ANKRD13D: variants seen among roughly 807,000 people sequenced by gnomAD.
ANKRD13D encodes ankyrin repeat domain 13D.
ANKRD13D carries 24 observed loss-of-function variants against 68.8 expected under a neutral mutation model. The ratio of observed to expected loss-of-function variants is 0.35; its 90% CI spans 0.25 to 0.49. The LOEUF is 0.49. Ranked by LOEUF, ANKRD13D falls within the 20% of genes least tolerant of loss-of-function variation. ANKRD13D has a pLI of 0.99. For missense variants in ANKRD13D, 735 were observed against 832.1 expected (o/e 0.88, Z 1.44); for synonymous variants, 331 against 336.1 (o/e 0.98, Z 0.16).
chr11:67,298,795 G>A, intron 6 of ANKRD13D: 3 of 502,268 alleles, frequency 6.0e-6, no homozygotes, highest in Non-Finnish European at 1.1e-5. Flanking sequence ...TAAAAGACAA[G>A]GATGTTTTTA....
rs1307057734 is a variant in ANKRD13D at position 67,300,857 on chromosome 11, G to T, written c.1074-133G>T. 1 of 1,135,664 alleles carries T rather than the reference G, an allele frequency of 8.8e-7. No homozygotes were observed. The highest frequency in any genetic ancestry group is 1.2e-6 in the Non-Finnish European group (1 of 821,116). 70.3% of individuals were successfully genotyped at this position (1,135,664 alleles called of 1,614,324 possible). ...CAGCTCCCGGGGGAGGCGGGCAGCG[G>T]CATCTGAGCAGAGCAGGGCACTCCA... On this transcript the variant is annotated intron_variant, in intron 10 of 14. Transcript: ENST00000511455. This position sits in a 1 kb window ranked among gnomAD's most constrained non-coding sequence, Gnocchi z 4.3.
Position 67,290,073 on chromosome 11 carries a change from C to T in ANKRD13D, c.91-5C>T, listed in dbSNP as rs1048765679. Reference sequence around the variant, plus strand: ...TGCCCTTTGTGAGTGTCCCGTCTCCCCCAGCACGACATTGAACAGGAGGAC... The same window carrying T: ...TGCCCTTTGTGAGTGTCCCGTCTCCTCCAGCACGACATTGAACAGGAGGAC... On this transcript the variant is annotated splice_region_variant and splice_polypyrimidine_tract_variant and intron_variant, in intron 1 of 14. Coordinates refer to ENST00000511455, the MANE Select transcript of ANKRD13D (RefSeq NM_207354.3). 14 of 1,536,614 alleles carry T rather than the reference C, an allele frequency of 9.1e-6. No homozygotes were observed. Among genetic ancestry groups the T allele is most frequent in the Non-Finnish European group, 1.1e-5 (13 of 1,146,552 alleles).
intron 1 of ANKRD13D, 36 bp from the exon 2 acceptor site, chr11:67,290,042 C>G (rs1248999560): frequency 6.6e-7 from 1 of 1,525,722 alleles, no homozygotes; most frequent in Admixed American, 2.0e-5. Flanking sequence ...TTGCCCTCTT[C>G]TCTCCTGCCC....
chr11:67,294,293 C>G (rs1751520908), intron 6 of ANKRD13D, among the ~76,000 whole-genome samples: 1 of 152,122 alleles, frequency 6.6e-6, no homozygotes, highest in Non-Finnish European at 1.5e-5. Flanking sequence ...ATTCTAGATT[C>G]AGCTTGTCAA....
At position 67,291,631 on chromosome 11, in the gene ANKRD13D, C is replaced by A; in HGVS notation, c.426C>A (p.Ser142Arg). 6.2e-7 allele frequency: 1 copy of A among 1,614,016 alleles called. No individual in the cohort carries two copies. The highest frequency in any genetic ancestry group is 2.2e-5 in the East Asian group (1 of 44,880). Residue 142 changes from serine to arginine, a missense_variant, in exon 5 of 15, where the codon AGC (serine) becomes AGA (arginine). Transcript: ENST00000511455. The stretch of plus-strand genomic sequence containing the variant: ...CCCTTGTGTCTAAGATGTGCCCAAG[C>A]GATGTGTACCGCGTGTGGAAGCGGG... Reference protein sequence around the residue: ...WVPLVSKMCPSDVYRVWKRGE... With the variant: ...WVPLVSKMCPRDVYRVWKRGE...
rs1167086808 is a variant in ANKRD13D at position 67,299,915 on chromosome 11, G to A, written c.942+27G>A. The A allele has an allele frequency of 1.9e-6, 3 of 1,560,480 alleles. No individual in the cohort carries two copies. The highest frequency in any genetic ancestry group is 1.7e-6 in the Non-Finnish European group (2 of 1,150,956). Reference sequence around the variant, plus strand: ...TGAGCCGGGGCTGGGCCGAGACAGGGCTGGCGGGGGGCCGAGCCTGGGCGG... The same window carrying A: ...TGAGCCGGGGCTGGGCCGAGACAGGACTGGCGGGGGGCCGAGCCTGGGCGG... On this transcript the variant is annotated intron_variant, in intron 9 of 14. Coordinates refer to ENST00000511455, the MANE Select transcript of ANKRD13D (RefSeq NM_207354.3). The surrounding 1 kb of genome is among the most constrained non-coding windows in gnomAD (Gnocchi z 6.2).
intron 6 of ANKRD13D, chr11:67,298,817 G>A (rs778892060): frequency 1.3e-4 from 68 of 535,254 alleles, no homozygotes; most frequent in Non-Finnish European, 1.9e-4. Context: ...ACCCAGCCCC[G>A]ACACTATCAT....
At position 67,299,853 on chromosome 11, in the gene ANKRD13D, C is replaced by T; in HGVS notation, c.907C>T (p.Leu303=). 1.3e-6 allele frequency: 2 copies of T among 1,538,702 alleles called. No homozygotes were observed. The highest frequency in any genetic ancestry group is 8.8e-7 in the Non-Finnish European group (1 of 1,141,940). Residue 303 remains leucine, a synonymous_variant, in exon 9 of 15, where the codon CTG becomes TTG. Transcript: ENST00000511455. This position sits in a 1 kb window ranked among gnomAD's most constrained non-coding sequence, Gnocchi z 6.2. Reference sequence around the variant, plus strand: ...GGGGAAGACTCCATTCCAGTCCTTCCTGGGGATGGCGCAGCAGCATTCCTC... The same window carrying T: ...GGGGAAGACTCCATTCCAGTCCTTCTTGGGGATGGCGCAGCAGCATTCCTC... ...KAGKTPFQSF[L]GMAQQHSSHT... is the part of the protein sequence containing the mutation.
At chr11:67,289,987 C>T in intron 1 of ANKRD13D, 91 bp from the exon 2 acceptor site, 2 of 1,468,452 alleles carry the variant, frequency 1.4e-6, no homozygotes, top group Non-Finnish European at 9.0e-7. Context: ...GTCCTTATTT[C>T]CCACAGCGAT....
In ANKRD13D at chr11:67,299,933, C is replaced by A; in HGVS notation, c.942+45C>A. 6.4e-7 allele frequency: 1 copy of A among 1,569,578 alleles called. No individual in the cohort carries two copies. The highest frequency in any genetic ancestry group is 8.7e-7 in the Non-Finnish European group (1 of 1,154,680). On this transcript the variant is annotated intron_variant, in intron 9 of 14. Coordinates refer to ENST00000511455, the MANE Select transcript of ANKRD13D (RefSeq NM_207354.3). The surrounding 1 kb of genome is among the most constrained non-coding windows in gnomAD (Gnocchi z 6.2). The stretch of plus-strand genomic sequence containing the variant: ...AGACAGGGCTGGCGGGGGGCCGAGC[C>A]TGGGCGGGAGGGCACCCTCTGTCAC...
rs1215894790 is a variant in ANKRD13D, at chr11:67,301,598, C to G, written c.1459C>G (p.Leu487Val). The change falls in exon 13 of 15, where the codon CTG becomes GTG. Residue 487 changes from leucine (L) to valine (V), a missense_variant. Transcript: ENST00000511455. This position sits in a 1 kb window ranked among gnomAD's most constrained non-coding sequence, Gnocchi z 4.5. ...EPLRDEDDDL[L>V]QFAIQQSLLE... ...CCTCCGGGACGAGGACGATGACCTC[C>G]TGCAGTTCGCCATCCAGCAGAGCCT... 1 of 1,612,840 alleles carries G rather than the reference C, an allele frequency of 6.2e-7. No homozygotes were observed. The highest frequency in any genetic ancestry group is 2.2e-5 in the East Asian group (1 of 44,886).
chr11:67,293,178 T>C (rs1425699313), intron 6 of ANKRD13D, among the ~76,000 whole-genome samples: 1 of 152,228 alleles, frequency 6.6e-6, no homozygotes, highest in Non-Finnish European at 1.5e-5. Flanking sequence ...CTTGGGTATA[T>C]ACCTAAGAGT....
rs1178230039 is a variant in ANKRD13D, at chr11:67,299,642, G to A, written c.880+31G>A. 8 of 1,549,124 alleles carry A rather than the reference G, an allele frequency of 5.2e-6. No individual in the cohort carries two copies. The highest frequency in any genetic ancestry group is 2.4e-5 in the East Asian group (1 of 40,946). On this transcript the variant is annotated intron_variant, in intron 8 of 14. Transcript: ENST00000511455. This position sits in a 1 kb window ranked among gnomAD's most constrained non-coding sequence, Gnocchi z 6.2. The stretch of plus-strand genomic sequence containing the variant: ...CCCAGGTGCGCCTGCCTGCTGCCCG[G>A]TCACACCGTGTGGTGGGGTCACCCT...
Position 67,292,931 on chromosome 11 carries a change from G to A in ANKRD13D, c.731+751G>A, listed in dbSNP as rs76335959. 6.6e-3 allele frequency among the ~76,000 whole-genome samples: 1,002 copies of A among 152,194 alleles called. 4 individuals are homozygous for A. The highest frequency in any genetic ancestry group is 0.027 in the Middle Eastern group (8 of 294). On this transcript the variant is annotated intron_variant, in intron 6 of 14. Coordinates refer to ENST00000511455, the MANE Select transcript of ANKRD13D (RefSeq NM_207354.3). ...TATAATATGTTGCCTTTTGTGTCTG[G>A]CTTCTTTCACTTAGTATAATATATT...
At chr11:67,293,504 ATTAAC>A (rs1166572930) in intron 6 of ANKRD13D, among the ~76,000 whole-genome samples, 1 of 152,126 alleles carries the variant, frequency 6.6e-6, no homozygotes, top group East Asian at 1.9e-4. Flanking sequence ...ATTTAACTTA[ATTAAC>A]TTATTTATTT....
At chr11:67,293,812 C>T (rs1045328200) in intron 6 of ANKRD13D, among the ~76,000 whole-genome samples, 4 of 152,186 alleles carry the variant, frequency 2.6e-5, no homozygotes, top group African/African-American at 9.7e-5. Context: ...GCCACCACAC[C>T]TATCCCTTCA....
In ANKRD13D at chr11:67,301,266, G is replaced by A. The variant is rs753582189; in HGVS notation, c.1232-16G>A. On this transcript the variant is annotated splice_polypyrimidine_tract_variant and intron_variant, in intron 11 of 14. Coordinates refer to ENST00000511455, the MANE Select transcript of ANKRD13D (RefSeq NM_207354.3). This position sits in a 1 kb window ranked among gnomAD's most constrained non-coding sequence, Gnocchi z 4.5. ...TGGCTCTCCGCCAGGGCTCAGGCGT[G>A]GCTGTCTTCTCACAGAGATTCCCCT... 2 of 1,606,566 alleles carry A rather than the reference G, an allele frequency of 1.2e-6. No individual in the cohort carries two copies. Among genetic ancestry groups the A allele is most frequent in the South Asian group, 1.1e-5 (1 of 89,788 alleles).
chr11:67,299,321 A>C lies in ANKRD13D; in HGVS notation c.798+197A>C. Reference sequence around the variant, plus strand: ...TCATGGGCCCCTACCCAGGGTACCGAGATCAAAAGAGGAGTGTGTTCCTCT... The same window carrying C: ...TCATGGGCCCCTACCCAGGGTACCGCGATCAAAAGAGGAGTGTGTTCCTCT... On this transcript the variant is annotated intron_variant, in intron 7 of 14. Transcript: ENST00000511455. The surrounding 1 kb of genome is among the most constrained non-coding windows in gnomAD (Gnocchi z 6.2). The C allele has an allele frequency of 1.4e-6, 1 of 722,734 alleles. No individual in the cohort carries two copies. The highest frequency in any genetic ancestry group is 1.8e-5 in the South Asian group (1 of 55,840). 44.8% of individuals were successfully genotyped at this position (722,734 alleles called of 1,614,324 possible).
At position 67,299,056 on chromosome 11, in the gene ANKRD13D, A is replaced by G. The variant is rs759813543; in HGVS notation, c.732-2A>G. The G allele has an allele frequency of 1.9e-6, 3 of 1,587,200 alleles. No homozygotes were observed. Among genetic ancestry groups the G allele is most frequent in the Admixed American group, 1.7e-5 (1 of 59,064 alleles). On this transcript the variant is annotated splice_acceptor_variant, in intron 6 of 14. Transcript: ENST00000511455. LOFTEE classifies it high-confidence loss of function. The surrounding 1 kb of genome is among the most constrained non-coding windows in gnomAD (Gnocchi z 6.2). ...CACCAGCTCCTGTTTGGTCTGTTTCAGGAACAAATGTGGTATCTGGGGCTG... is the reference window on the plus strand; with the variant it reads ...CACCAGCTCCTGTTTGGTCTGTTTCGGGAACAAATGTGGTATCTGGGGCTG...
Sources: allele counts gnomAD v4.1 joint callset (sites outside exome capture counted in the v4.1 genomes callset), GRCh38; gene constraint gnomAD v4.1.1; non-coding constraint Gnocchi (gnomAD v3.1); transcripts MANE v1.5; gene names NCBI Gene and HGNC (gene_info 2026-07-23, HGNC 2026-07-21).